Variants in ZDHHC4 observed in about 807,000 individuals in gnomAD.
ZDHHC4 encodes zDHHC palmitoyltransferase 4, also known as palmitoyltransferase ZDHHC4.
In ZDHHC4, 42 loss-of-function variants were observed where a neutral mutation model predicts 36.7. The ratio of observed to expected loss-of-function variants is 1.14; its 90% confidence interval spans 0.89 to 1.48. The LOEUF (loss-of-function observed/expected upper bound fraction) is 1.48, where lower values mean the gene tolerates loss of function less well. ZDHHC4 is among the 40% of genes most tolerant of loss of function. ZDHHC4 has a pLI of 0.00. For synonymous variants in ZDHHC4, 189 were observed against 166.6 expected (o/e 1.13, Z -1.03); for missense variants, 457 against 421.5 (o/e 1.08, Z -0.74).
Position 6,589,109 on chromosome 7 carries a change from T to G in ZDHHC4, c.*199T>G, listed in dbSNP as rs991867470. 4.8e-6 allele frequency: 3 copies of G among 623,678 alleles called. No individual in the cohort carries two copies. The Admixed American group carries it at 9.1e-5, about 19-fold the overall frequency. 38.6% of individuals were successfully genotyped at this position (623,678 alleles called of 1,614,324 possible). Reference sequence around the variant, plus strand: ...CTTTTGAAACCGGGCATCTCTGAAGTCCTGGTGTCAAGGGGATCAAGAGAT... The same window carrying G: ...CTTTTGAAACCGGGCATCTCTGAAGGCCTGGTGTCAAGGGGATCAAGAGAT... On this transcript the variant is annotated 3_prime_UTR_variant, in exon 8 of 8. Coordinates refer to ENST00000335965, the MANE Select transcript of ZDHHC4 (RefSeq NM_001134389.2).
chr7:6,586,581 T>A (rs12702530), intron 7 of ZDHHC4, among the ~76,000 whole-genome samples: 57,801 of 151,970 alleles, frequency 0.38, 11,631 homozygotes, highest in African/African-American at 0.51. Context: ...GTTCAAGCAA[T>A]TCTCCTGCCT....
At position 6,582,085 on chromosome 7, in the gene ZDHHC4, C is replaced by T; in HGVS notation, c.204C>T (p.Phe68=). 6.2e-7 allele frequency: 1 copy of T among 1,612,888 alleles called. No homozygotes were observed. The highest frequency in any genetic ancestry group is 1.1e-5 in the South Asian group (1 of 90,958). ...TGTTTTCTTTCAGAAACCACACCTT[C>T]ATTGTCCTGCACCTGGTCTTGCAAG... The part of the protein sequence containing the change: ...HYLFHTRNHT[F]IVLHLVLQGM... The change falls in exon 5 of 8, where the codon TTC becomes TTT. Residue 68 remains phenylalanine, a synonymous_variant. Coordinates refer to ENST00000335965, the MANE Select transcript of ZDHHC4 (RefSeq NM_001134389.2).
chr7:6,581,581 A>C, intron 3 of ZDHHC4, 26 bp from the exon 4 acceptor site: 1 of 1,559,068 alleles, frequency 6.4e-7, no homozygotes, highest in Non-Finnish European at 8.8e-7. Flanking sequence ...AATGAAATTG[A>C]GTCTTTCTCT....
At chr7:6,586,131 CA>C (rs934549261) in intron 7 of ZDHHC4, among the ~76,000 whole-genome samples, 2 of 146,864 alleles carry the variant, frequency 1.4e-5, no homozygotes, top group African/African-American at 5.0e-5. Flanking sequence ...CCAGCCTGGG[CA>C]ACAAGAGCGA....
chr7:6,587,612 T>C (rs1288377303), intron 7 of ZDHHC4, among the ~76,000 whole-genome samples: 1 of 152,178 alleles, frequency 6.6e-6, no homozygotes, highest in Non-Finnish European at 1.5e-5. Context: ...CATTAGTCAA[T>C]ATATTAAGTC....
intron 2 of ZDHHC4, 99 bp from the exon 3 acceptor site, chr7:6,580,456 T>C (rs1227583641): frequency 2.1e-6 from 2 of 953,566 alleles, no homozygotes; most frequent in Non-Finnish European, 3.4e-6. Flanking sequence ...CTAGATGAAT[T>C]CTGTTTTGGT....
chr7:6,583,264 A>G, intron 5 of ZDHHC4, 42 bp from the exon 6 acceptor site: 1 of 1,610,892 alleles, frequency 6.2e-7, no homozygotes, highest in Non-Finnish European at 8.5e-7. Context: ...TATCCAGTCC[A>G]AAGTATTGCA....
rs1402377006 is a variant in ZDHHC4, at chr7:6,577,477, C to T, written c.-184C>T. On this transcript the variant is annotated 5_prime_UTR_variant, in exon 1 of 8. Coordinates refer to ENST00000335965, the MANE Select transcript of ZDHHC4 (RefSeq NM_001134389.2). ...GAAGTCTCGTATCGCGCCCGGGAGG[C>T]GCCGGAGCCCAGCGGCTGGCGGTAA... The T allele has an allele frequency of 1.3e-5, 2 of 152,132 alleles. No individual in the cohort carries two copies. The highest frequency in any genetic ancestry group is 2.4e-5 in the African/African-American group (1 of 41,448). 9.4% of individuals were successfully genotyped at this position (152,132 alleles called of 1,614,324 possible).
At chr7:6,585,682 C>G (rs963656837) in intron 7 of ZDHHC4, among the ~76,000 whole-genome samples, 1 of 151,874 alleles carries the variant, frequency 6.6e-6, no homozygotes, top group Non-Finnish European at 1.5e-5. Context: ...GGCACATGCC[C>G]ATTGTTCTAG....
chr7:6,588,916 G>A lies in ZDHHC4; in HGVS notation c.*6G>A. 6.2e-7 allele frequency: 1 copy of A among 1,600,124 alleles called. No individual in the cohort carries two copies. The highest frequency in any genetic ancestry group is 8.6e-7 in the Non-Finnish European group (1 of 1,168,478). ...AGAGGAAGAAACAAGAATGACAAGT[G>A]TATGACTGCCTTTGAGCTGTAGTTC... On this transcript the variant is annotated 3_prime_UTR_variant, in exon 8 of 8. Coordinates refer to ENST00000335965, the MANE Select transcript of ZDHHC4 (RefSeq NM_001134389.2).
rs977295777 is a variant in ZDHHC4, at chr7:6,588,846, G to A, written c.971G>A (p.Arg324Gln). 8 of 1,613,868 alleles carry A rather than the reference G, an allele frequency of 5.0e-6. No homozygotes were observed. Among genetic ancestry groups the A allele is most frequent in the Admixed American group, 3.3e-5 (2 of 59,990 alleles). ...CGGAACATTCACTCCCATGGGCTTC[G>A]GAGCAACCTTCAAGAGATCTTTCTA... ...VHRNIHSHGLRSNLQEIFLPA... is the reference protein window; with the variant it reads ...VHRNIHSHGLQSNLQEIFLPA... Residue 324 changes from arginine to glutamine, a missense_variant, in exon 8 of 8, where the codon CGG becomes CAG. By Grantham distance (43) the Arg-to-Gln change is conservative. Transcript: ENST00000335965.
chr7:6,582,027 T>C lies in ZDHHC4; in HGVS notation c.192-46T>C, dbSNP rs367593262. ...ACTTTCTTTAGTATCATACAATTTC[T>C]TCAAGAAGAAACCCCCATGAACAAG... On this transcript the variant is annotated intron_variant, in intron 4 of 7. Coordinates refer to ENST00000335965, the MANE Select transcript of ZDHHC4 (RefSeq NM_001134389.2). 5.4e-5 allele frequency: 85 copies of C among 1,576,882 alleles called. No individual in the cohort carries two copies. In the African/African-American group the frequency reaches 1.1e-3, roughly 20 times the overall value.
chr7:6,578,104 A>T (rs977685706), intron 1 of ZDHHC4, among the ~76,000 whole-genome samples: 1 of 151,978 alleles, frequency 6.6e-6, no homozygotes, highest in Non-Finnish European at 1.5e-5. Flanking sequence ...TGCTGGGATT[A>T]TAGGCGTGAG....
chr7:6,582,287 G>A, intron 5 of ZDHHC4, 36 bp downstream of exon 5: 2 of 1,593,302 alleles, frequency 1.3e-6, no homozygotes, highest in Non-Finnish European at 1.7e-6. Context: ...CATGGTGACA[G>A]CTCCACTGTC....
chr7:6,585,021 T>C lies in ZDHHC4; in HGVS notation c.502T>C (p.Cys168Arg). The change falls in exon 7 of 8, where the codon TGT (cysteine) becomes CGT (arginine). Residue 168 changes from cysteine (C) to arginine (R), a missense_variant. Transcript: ENST00000335965. ...KPARSKHCSV[C>R]NWCVHRFDHH... Reference sequence around the variant, plus strand: ...GCCCCCTTGTTTCTGTGCAGGTGTGTGTAACTGGTGTGTGCACCGTTTCGA... The same window carrying C: ...GCCCCCTTGTTTCTGTGCAGGTGTGCGTAACTGGTGTGTGCACCGTTTCGA... 6.2e-7 allele frequency: 1 copy of C among 1,614,180 alleles called. No homozygotes were observed.
rs1421330877 is a variant in ZDHHC4 at position 6,582,241 on chromosome 7, A to G, written c.360A>G (p.Gly120=). ...TGTTTTTTTTCACCCTGACTTGTGG[A>G]ACCAATCCTGGTAAGTTGAGGCTCT... ...VNLFFFTLTC[G]TNPGIITKAN... Residue 120 remains glycine, a synonymous_variant, in exon 5 of 8, where the codon GGA becomes GGG. Transcript: ENST00000335965. 6.2e-7 allele frequency: 1 copy of G among 1,614,022 alleles called. No homozygotes were observed. Among genetic ancestry groups the G allele is most frequent in the Admixed American group, 1.7e-5 (1 of 59,994 alleles).
At chr7:6,583,234 A>T (rs1780987916) in intron 5 of ZDHHC4, 72 bp from the exon 6 acceptor site, 1 of 1,532,974 alleles carries the variant, frequency 6.5e-7, no homozygotes, top group Admixed American at 1.9e-5. Flanking sequence ...GTTGTGTTTT[A>T]TCAGGACGGG....
intron 2 of ZDHHC4, 70 bp from the exon 3 acceptor site, chr7:6,580,485 G>A: frequency 7.8e-7 from 1 of 1,289,164 alleles, no homozygotes; most frequent in Non-Finnish European, 1.1e-6. Flanking sequence ...GGGAGTTGAT[G>A]TCTGAGAATG....
At chr7:6,588,505 T>G in intron 7 of ZDHHC4, 112 bp from the exon 8 acceptor site, 2 of 1,112,570 alleles carry the variant, frequency 1.8e-6, no homozygotes, top group East Asian at 2.4e-5. Context: ...CACAAGTAGG[T>G]GGGCTGAGGA....
Sources: allele counts gnomAD v4.1 joint callset (sites outside exome capture counted in the v4.1 genomes callset), GRCh38; gene constraint gnomAD v4.1.1; transcripts MANE v1.5; gene names NCBI Gene and HGNC (gene_info 2026-07-23, HGNC 2026-07-21).